Variants in CFAP20DC observed in about 807,000 individuals in gnomAD.
CFAP20DC encodes CFAP20 domain containing, also known as protein CFAP20DC.
In CFAP20DC, 84 loss-of-function variants were observed where a neutral mutation model predicts 101.7. The observed-to-expected ratio is 0.83, with a 90% CI of 0.69 to 0.99. CFAP20DC has a LOEUF of 0.99. CFAP20DC is among the 50% of genes least tolerant of loss of function. The pLI is 0.00. For missense variants in CFAP20DC, 1,007 were observed against 970.3 expected (o/e 1.04, Z -0.50); for synonymous variants, 359 against 351.2 (o/e 1.02, Z -0.25).
chr3:59,037,264 A>G (rs1343651830), intron 4 of CFAP20DC, among the ~76,000 whole-genome samples: 1 of 152,190 alleles, frequency 6.6e-6, no homozygotes, highest in African/African-American at 2.4e-5. Flanking sequence ...TGGCAACAAA[A>G]GCCAAAATTG....
intron 6 of CFAP20DC, among the ~76,000 whole-genome samples, chr3:58,890,330 C>G (rs573817041): frequency 7.0e-6 from 1 of 142,528 alleles, no homozygotes; most frequent in Non-Finnish European, 1.6e-5. Context: ...ACCTCCCTCC[C>G]GGACGGGGCG....
In CFAP20DC at chr3:58,899,486, A is replaced by T. The variant is rs562841646; in HGVS notation, c.550+14222T>A. Among the ~76,000 whole-genome samples the T allele has an allele frequency of 6.6e-6, 1 of 152,124 alleles. No individual in the cohort carries two copies. Among genetic ancestry groups the T allele is most frequent in the Non-Finnish European group, 1.5e-5 (1 of 67,990 alleles). ...GATTCAGTTCCCTTCCTAGGGATGG[A>T]TCTCCCACCTTGCTGAGAATCCTGG... is the stretch of plus-strand genomic sequence containing the variant. On this transcript the variant is annotated intron_variant, in intron 6 of 16. Coordinates refer to ENST00000482387, the MANE Select transcript of CFAP20DC (RefSeq NM_001394063.1). This position sits in a 1 kb window ranked among gnomAD's most constrained non-coding sequence, Gnocchi z 5.0.
chr3:59,046,757 C>T (rs1232601066), intron 2 of CFAP20DC, among the ~76,000 whole-genome samples: 1 of 152,090 alleles, frequency 6.6e-6, no homozygotes, highest in East Asian at 1.9e-4. Context: ...CAGAAAGGGA[C>T]ATTTTAATGT....
At chr3:58,924,023 C>T (rs1348053221) in intron 5 of CFAP20DC, among the ~76,000 whole-genome samples, 1 of 152,036 alleles carries the variant, frequency 6.6e-6, no homozygotes, top group Non-Finnish European at 1.5e-5. Context: ...GGTGTTATAC[C>T]CATCCAGTGA....
chr3:58,913,840 C>G lies in CFAP20DC; in HGVS notation c.418G>C (p.Val140Leu), dbSNP rs751548712. 2 of 1,613,412 alleles carry G rather than the reference C, an allele frequency of 1.2e-6. No homozygotes were observed. Among genetic ancestry groups the G allele is most frequent in the Non-Finnish European group, 1.7e-6 (2 of 1,179,722 alleles). Reference protein sequence around the residue: ...KIWCNLCIDLVAFTSEIFKGA... With the variant: ...KIWCNLCIDLLAFTSEIFKGA... ...TTGAATATTTCACTGGTGAATGCTA[C>G]TAAGTCAATGCATAGATTGCACCAC... Residue 140 changes from valine to leucine, a missense_variant, in exon 6 of 17, where the codon GTA becomes CTA. Transcript: ENST00000482387. The surrounding 1 kb of genome is among the most constrained non-coding windows in gnomAD (Gnocchi z 4.4).
intron 6 of CFAP20DC, among the ~76,000 whole-genome samples, chr3:58,893,945 G>A (rs971692060): frequency 2.6e-5 from 4 of 152,174 alleles, no homozygotes; most frequent in African/African-American, 9.7e-5. Context: ...AAAGGAGCAA[G>A]TCACCTGTTA....
chr3:58,994,319 T>C (rs2093040558), intron 4 of CFAP20DC, among the ~76,000 whole-genome samples: 4 of 152,230 alleles, frequency 2.6e-5, no homozygotes, highest in Non-Finnish European at 5.9e-5. Flanking sequence ...TGCCTGCTTC[T>C]GAGATTCATT....
At chr3:58,948,126 T>G (rs894499821) in intron 4 of CFAP20DC, among the ~76,000 whole-genome samples, 2 of 152,238 alleles carry the variant, frequency 1.3e-5, no homozygotes, top group African/African-American at 4.8e-5. Flanking sequence ...GTGCAGCTGA[T>G]AGCAGAGGTG....
In CFAP20DC at chr3:58,793,228, G is replaced by A. The variant is rs771678302; in HGVS notation, c.2237+13167C>T. Among the ~76,000 whole-genome samples the A allele has an allele frequency of 1.4e-3, 206 of 152,212 alleles. 1 individual carries two copies. The highest frequency in any genetic ancestry group is 3.4e-3 in the Middle Eastern group (1 of 294). On this transcript the variant is annotated intron_variant, in intron 15 of 16. Coordinates refer to ENST00000482387, the MANE Select transcript of CFAP20DC (RefSeq NM_001394063.1). ...TCACACCAAGCTGCCTTCTGACTAT[G>A]AGTAATCTGTTAATCTACTCTTCGC... is the stretch of plus-strand genomic sequence containing the variant.
intron 12 of CFAP20DC, among the ~76,000 whole-genome samples, chr3:58,851,035 G>A (rs868374508): frequency 3.3e-5 from 5 of 152,032 alleles, no homozygotes; most frequent in African/African-American, 1.2e-4. Flanking sequence ...TTAATTAGAG[G>A]GGATCTATCT....
intron 16 of CFAP20DC, among the ~76,000 whole-genome samples, chr3:58,746,482 G>C (rs2068214470): frequency 6.6e-6 from 1 of 152,096 alleles, no homozygotes; most frequent in African/African-American, 2.4e-5. Context: ...CAACCAGTTG[G>C]GAATCTTTCA....
At chr3:58,887,712 C>T (rs71311898) in intron 6 of CFAP20DC, among the ~76,000 whole-genome samples, 18,571 of 152,220 alleles carry the variant, frequency 0.12, 1,423 homozygotes, top group Middle Eastern at 0.18. Flanking sequence ...ATCTGCATCA[C>T]CCAACATCTT....
intron 3 of CFAP20DC, among the ~76,000 whole-genome samples, chr3:58,735,059 A>T (rs2067720726): frequency 6.6e-6 from 1 of 152,154 alleles, no homozygotes; most frequent in South Asian, 2.1e-4. Context: ...ACCTCCTAAT[A>T]ATATTTAACT....
chr3:58,752,929 T>C (rs1684247138), intron 16 of CFAP20DC, among the ~76,000 whole-genome samples: 1 of 152,166 alleles, frequency 6.6e-6, no homozygotes, highest in South Asian at 2.1e-4. Context: ...AACATTTCTA[T>C]CTTCAAAATT....
intron 4 of CFAP20DC, among the ~76,000 whole-genome samples, chr3:58,974,617 T>C (rs2092163291): frequency 6.6e-6 from 1 of 152,150 alleles, no homozygotes; most frequent in Non-Finnish European, 1.5e-5. Flanking sequence ...TGAAGATTCA[T>C]TCCTTATCTA....
intron 6 of CFAP20DC, among the ~76,000 whole-genome samples, chr3:58,886,174 TAAA>T (rs1451149517): frequency 2.0e-5 from 3 of 152,110 alleles, no homozygotes; most frequent in African/African-American, 7.2e-5. Context: ...GAATCTATTC[TAAA>T]ATTAAAAAAA....
intron 15 of CFAP20DC, among the ~76,000 whole-genome samples, chr3:58,759,665 T>C (rs1441161031): frequency 1.3e-5 from 2 of 152,244 alleles, no homozygotes; most frequent in Admixed American, 6.5e-5. Context: ...TTTATGGTTT[T>C]AGGTCTAACG....
intron 6 of CFAP20DC, among the ~76,000 whole-genome samples, chr3:58,890,440 AC>A (rs1175336815): frequency 1.0e-3 from 84 of 80,262 alleles, no homozygotes; most frequent in South Asian, 4.7e-4. Context: ...GGGGGGGCTG[AC>A]CCCCCCCACG....
chr3:58,758,123 C>T (rs908727497), intron 15 of CFAP20DC, among the ~76,000 whole-genome samples: 2 of 152,098 alleles, frequency 1.3e-5, no homozygotes, highest in Non-Finnish European at 2.9e-5. Flanking sequence ...TATACAATTT[C>T]CCCACTCTGG....
Sources: gnomAD v4.1 joint callset for allele counts (sites outside exome capture counted in the v4.1 genomes callset) on GRCh38, gnomAD v4.1.1 for gene constraint, Gnocchi (gnomAD v3.1) non-coding constraint, MANE v1.5 for transcripts, NCBI Gene and HGNC (gene_info 2026-07-23, HGNC 2026-07-21) for gene names.